Variants in EPCAM observed in about 807,000 individuals in gnomAD.
EPCAM encodes epithelial cell adhesion molecule, also known as adenocarcinoma-associated antigen.
A neutral mutation model predicts 40.0 loss-of-function variants in EPCAM; 39 were observed. The observed-to-expected ratio is 0.98, with a 90% CI of 0.76 to 1.27. EPCAM has a LOEUF of 1.27. EPCAM is among the 50% of genes most tolerant of loss of function. The probability of loss-of-function intolerance (pLI) is 0.00; values close to 1 mark genes in which losing one functional copy is unlikely to be tolerated. For synonymous variants in EPCAM, 168 were observed against 132.3 expected, an observed-to-expected ratio of 1.27 and a Z score of -1.85; for missense variants, 503 against 381.2, an observed-to-expected ratio of 1.32 and a Z score of -2.66.
At chr2:47,382,188 T>C (rs1671611340) in intron 7 of EPCAM, among the ~76,000 whole-genome samples, 1 of 152,106 alleles carries the variant, frequency 6.6e-6, no homozygotes, top group East Asian at 1.9e-4. Flanking sequence ...ATGGATATTA[T>C]ACATAATATA....
chr2:47,386,036 C>T (rs762876622), intron 8 of EPCAM, among the ~76,000 whole-genome samples: 23 of 152,272 alleles, frequency 1.5e-4, no homozygotes, highest in Non-Finnish European at 5.9e-5. Flanking sequence ...GTTTCCTCAT[C>T]TGTAAAATGA....
At chr2:47,369,767 C>A (rs927250071) in intron 1 of EPCAM, 186 bp downstream of exon 1, 4 of 722,786 alleles carry the variant, frequency 5.5e-6, no homozygotes, top group African/African-American at 5.2e-5. Context: ...ACGGCGAGGG[C>A]CGTCCCGGGG....
intron 1 of EPCAM, among the ~76,000 whole-genome samples, chr2:47,370,254 ATCTT>A (rs937517259): frequency 1.1e-4 from 16 of 152,150 alleles, no homozygotes; most frequent in South Asian, 6.2e-4. Context: ...AATTAGGTGT[ATCTT>A]TCTTTCTTTT....
rs762722885 is a variant in EPCAM, at chr2:47,385,195, G to A, written c.888G>A (p.Lys296=). The change falls in exon 8 of 9, where the codon AAG becomes AAA. Residue 296 remains lysine, a synonymous_variant. Transcript: ENST00000263735. Reference sequence around the variant, plus strand: ...TTTCCAGAAAGAAGAGAATGGCAAAGTATGAGAAGGCTGAGGTAAATGGAT... The same window carrying A: ...TTTCCAGAAAGAAGAGAATGGCAAAATATGAGAAGGCTGAGGTAAATGGAT... ...LVISRKKRMA[K]YEKAEIKEMG... The A allele has an allele frequency of 1.9e-6, 3 of 1,613,118 alleles. No individual in the cohort carries two copies. Among genetic ancestry groups the A allele is most frequent in the East Asian group, 2.2e-5 (1 of 44,818 alleles).
At chr2:47,369,870 G>C (rs543221489) in intron 1 of EPCAM, 5 of 532,886 alleles carry the variant, frequency 9.4e-6, no homozygotes, top group South Asian at 9.0e-5. Context: ...GCCACGTCCA[G>C]GTTTCCTGCG....
chr2:47,371,045 A>C (rs1001759944), intron 1 of EPCAM, among the ~76,000 whole-genome samples: 1 of 151,606 alleles, frequency 6.6e-6, no homozygotes, highest in African/African-American at 2.4e-5. Flanking sequence ...ACATCTCACT[A>C]TGTTGCCCAG....
At chr2:47,374,704 C>T (rs917488824) in intron 3 of EPCAM, among the ~76,000 whole-genome samples, 2 of 151,750 alleles carry the variant, frequency 1.3e-5, no homozygotes, top group African/African-American at 2.4e-5. Flanking sequence ...AGTGCAGTGG[C>T]ACAATCTCAG....
At position 47,373,520 on chromosome 2, in the gene EPCAM, A is replaced by G. The variant is rs372142268; in HGVS notation, c.134A>G (p.Gln45Arg). Residue 45 changes from glutamine to arginine, a missense_variant, in exon 2 of 9, where the codon CAA becomes CGA. Physicochemically the swap from Gln to Arg is conservative, Grantham distance 43 (BLOSUM62 1). Coordinates refer to ENST00000263735, the MANE Select transcript of EPCAM (RefSeq NM_002354.3). ...AACTGCTTTGTGAATAATAATCGTC[A>G]ATGCCAGTGTACTTCAGTTGGTGCA... ...AVNCFVNNNR[Q>R]CQCTSVGAQN... 2 of 1,613,954 alleles carry G rather than the reference A, an allele frequency of 1.2e-6. No homozygotes were observed. The highest frequency in any genetic ancestry group is 1.7e-6 in the Non-Finnish European group (2 of 1,179,902).
chr2:47,377,582 G>T (rs1406640824), intron 5 of EPCAM: 5 of 254,952 alleles, frequency 2.0e-5, no homozygotes, highest in Non-Finnish European at 3.2e-5. Context: ...CCTTTGAAAA[G>T]CCTAGTTTTA....
intron 1 of EPCAM, among the ~76,000 whole-genome samples, chr2:47,370,122 G>C (rs1379231392): frequency 6.6e-6 from 1 of 152,200 alleles, no homozygotes; most frequent in Non-Finnish European, 1.5e-5. Flanking sequence ...AGGGCGTGTG[G>C]GTGTTTTCCC....
chr2:47,385,275 T>G, intron 8 of EPCAM, 65 bp downstream of exon 8: 1 of 1,282,618 alleles, frequency 7.8e-7, no homozygotes, highest in Non-Finnish European at 1.1e-6. Context: ...TCACTCTACC[T>G]TCCTACACAC....
rs1348044459 is a variant in EPCAM at position 47,369,475 on chromosome 2, C to A, written c.-31C>A. On this transcript the variant is annotated 5_prime_UTR_variant, in exon 1 of 9. Transcript: ENST00000263735. ...GCCCTCCCGCGAGTCCCGGGCCCCT[C>A]CCGCGCCCCTCTTCTCGGCGCGCGC... The A allele has an allele frequency of 1.3e-6, 2 of 1,497,076 alleles. No homozygotes were observed. The highest frequency in any genetic ancestry group is 1.3e-5 in the South Asian group (1 of 79,254). 92.7% of individuals were successfully genotyped at this position (1,497,076 alleles called of 1,614,324 possible).
At chr2:47,382,165 G>A (rs545117749) in intron 7 of EPCAM, among the ~76,000 whole-genome samples, 7 of 151,934 alleles carry the variant, frequency 4.6e-5, no homozygotes, top group South Asian at 2.1e-4. Context: ...AAAATATGGC[G>A]CATAAAGCAA....
intron 7 of EPCAM, among the ~76,000 whole-genome samples, chr2:47,381,005 G>C (rs1267851078): frequency 2.9e-5 from 4 of 136,884 alleles, no homozygotes; most frequent in African/African-American, 1.1e-4. Context: ...AGAATAGCTT[G>C]AACCTGGGAA....
chr2:47,376,449 G>A (rs997025012), intron 4 of EPCAM, among the ~76,000 whole-genome samples: 2 of 151,624 alleles, frequency 1.3e-5, no homozygotes, highest in East Asian at 1.9e-4. Context: ...TAGTAGACAC[G>A]GGGTTTCTCC....
At chr2:47,369,639 C>G (rs1671165412) in intron 1 of EPCAM, 58 bp downstream of exon 1, 2 of 1,513,034 alleles carry the variant, frequency 1.3e-6, no homozygotes, top group East Asian at 2.4e-5. Flanking sequence ...GGCAGCGGCC[C>G]CCGGCCCTCG....
intron 5 of EPCAM, chr2:47,377,720 G>T (rs747392490): frequency 2.4e-6 from 1 of 421,130 alleles, no homozygotes; most frequent in Admixed American, 3.4e-5. Context: ...ATTACTTTTG[G>T]TAAATACAGT....
intron 5 of EPCAM, among the ~76,000 whole-genome samples, 194 bp downstream of exon 5, chr2:47,377,271 C>G (rs1004700313): frequency 2.0e-5 from 3 of 151,982 alleles, no homozygotes; most frequent in Admixed American, 6.6e-5. Flanking sequence ...GACTATTGCT[C>G]TCTTCCCCAG....
chr2:47,372,545 G>A (rs184720445), intron 1 of EPCAM, among the ~76,000 whole-genome samples: 17 of 152,006 alleles, frequency 1.1e-4, no homozygotes, highest in East Asian at 3.9e-4. Context: ...AGGCCGAGGC[G>A]GACGGATCAT....
Sources: gnomAD v4.1 joint callset for allele counts (sites outside exome capture counted in the v4.1 genomes callset) on GRCh38, gnomAD v4.1.1 for gene constraint, MANE v1.5 for transcripts, NCBI Gene and HGNC (gene_info 2026-07-23, HGNC 2026-07-21) for gene names.